BCKDHB: variants seen among roughly 807,000 people sequenced by gnomAD.
BCKDHB encodes the protein 2-oxoisovalerate dehydrogenase subunit beta, mitochondrial.
BCKDHB carries 41 observed loss-of-function variants against 48.5 expected under a neutral mutation model. The observed-to-expected ratio is 0.85, with a 90% CI of 0.66 to 1.10. The LOEUF (loss-of-function observed/expected upper bound fraction) is 1.10. Ranked by LOEUF, BCKDHB falls within the 50% of genes least tolerant of loss-of-function variation. The probability of loss-of-function intolerance (pLI) is 0.00; values close to 1 mark genes in which losing one functional copy is unlikely to be tolerated. For synonymous variants in BCKDHB, 201 were observed against 174.8 expected (o/e 1.15, Z -1.18); for missense variants, 496 against 494.2 (o/e 1.00, Z -0.03).
At chr6:80,132,482 T>C (rs755900668) in intron 3 of BCKDHB, among the ~76,000 whole-genome samples, 71 of 152,192 alleles carry the variant, frequency 4.7e-4, no homozygotes, top group Non-Finnish European at 7.6e-4. Context: ...GGGATTTCCC[T>C]CTCTCACATT....
intron 6 of BCKDHB, among the ~76,000 whole-genome samples, chr6:80,178,694 G>T (rs1034254636): frequency 6.6e-6 from 1 of 152,080 alleles, no homozygotes; most frequent in South Asian, 2.1e-4. Flanking sequence ...TGTCATTATT[G>T]CCATTTTATA....
chr6:80,334,240 A>C (rs1757896050), intron 9 of BCKDHB, among the ~76,000 whole-genome samples: 1 of 152,114 alleles, frequency 6.6e-6, no homozygotes, highest in South Asian at 2.1e-4. Context: ...GGATACAAAC[A>C]ATAATTACAA....
the BCKDHB span, among the ~76,000 whole-genome samples, chr6:80,435,909 T>G: frequency 6.6e-6 from 1 of 152,160 alleles, no homozygotes; most frequent in Non-Finnish European, 1.5e-5. Context: ...GGCGCATGCC[T>G]GTAATCCCAG....
At chr6:80,363,902 A>G in the BCKDHB span, among the ~76,000 whole-genome samples, 8 of 152,202 alleles carry the variant, frequency 5.3e-5, no homozygotes, top group Non-Finnish European at 8.8e-5. Context: ...GTATAACACC[A>G]TGCTTACTTA....
At chr6:80,405,284 A>G in the BCKDHB span, among the ~76,000 whole-genome samples, 1 of 152,208 alleles carries the variant, frequency 6.6e-6, no homozygotes, top group Non-Finnish European at 1.5e-5. Flanking sequence ...TCATTATTTA[A>G]TGACTTTCTT....
At chr6:80,192,104 A>G (rs1233263356) in intron 6 of BCKDHB, among the ~76,000 whole-genome samples, 1 of 152,212 alleles carries the variant, frequency 6.6e-6, no homozygotes, top group Admixed American at 6.5e-5. Context: ...AGTGTGATAG[A>G]TAATAAAAAC....
chr6:80,348,692 G>T (rs1189510497), downstream of BCKDHB, among the ~76,000 whole-genome samples: 1 of 152,208 alleles, frequency 6.6e-6, no homozygotes, highest in Non-Finnish European at 1.5e-5. Flanking sequence ...CTGCTAACCA[G>T]CTAGGCACAC....
At chr6:80,178,334 T>G (rs1310531715) in intron 6 of BCKDHB, among the ~76,000 whole-genome samples, 1 of 152,222 alleles carries the variant, frequency 6.6e-6, no homozygotes, top group Non-Finnish European at 1.5e-5. Flanking sequence ...AGTTTCAGTC[T>G]CCTGTAGATG....
chr6:80,115,414 A>G (rs1769636286), intron 1 of BCKDHB, among the ~76,000 whole-genome samples: 1 of 152,184 alleles, frequency 6.6e-6, no homozygotes, highest in Admixed American at 6.5e-5. Flanking sequence ...AGAGTTTAGA[A>G]TAAGATAGAG....
intron 3 of BCKDHB, among the ~76,000 whole-genome samples, chr6:80,163,423 G>A (rs767486514): frequency 3.3e-5 from 5 of 150,824 alleles, no homozygotes; most frequent in African/African-American, 4.9e-5. Flanking sequence ...ATAGACACAA[G>A]TTAATCACTC....
intron 5 of BCKDHB, among the ~76,000 whole-genome samples, chr6:80,170,141 A>T (rs1415043261): frequency 6.6e-6 from 1 of 152,162 alleles, no homozygotes; most frequent in Non-Finnish European, 1.5e-5. Context: ...GGAACATAAG[A>T]TAAAGACATT....
the BCKDHB span, among the ~76,000 whole-genome samples, chr6:80,420,128 T>C: frequency 2.0e-5 from 3 of 152,242 alleles, no homozygotes; most frequent in East Asian, 3.9e-4. Flanking sequence ...TTGTATTCTT[T>C]GGCAGACAAT....
intron 3 of BCKDHB, among the ~76,000 whole-genome samples, chr6:80,153,303 T>A (rs982498444): frequency 1.3e-5 from 2 of 152,136 alleles, no homozygotes; most frequent in African/African-American, 4.8e-5. Flanking sequence ...AGTTTTGAAT[T>A]GCCTGTCACA....
chr6:80,200,063 C>CAA (rs55737130), intron 6 of BCKDHB, among the ~76,000 whole-genome samples: 1,740 of 32,698 alleles, frequency 0.053, 156 homozygotes, highest in African/African-American at 0.077. Context: ...GACCCTGTCT[C>CAA]AAAAAAAAAA....
rs537052652 is a variant in BCKDHB at position 80,283,826 on chromosome 6, TA to T, written c.1038+10607del. 2.9e-4 allele frequency among the ~76,000 whole-genome samples: 44 copies of T among 152,266 alleles called. 3 individuals carry two copies. In the South Asian group the frequency reaches 8.7e-3, roughly 30 times the overall value. ...GTACAGCCTTATCTTCAAAATTTTCTAACTACAATAAGGTTATTTAAAATTT... is the reference window on the plus strand; with the variant it reads ...GTACAGCCTTATCTTCAAAATTTTCTACTACAATAAGGTTATTTAAAATTT... On this transcript the variant is annotated intron_variant, in intron 9 of 9. Transcript: ENST00000320393.
intron 8 of BCKDHB, among the ~76,000 whole-genome samples, chr6:80,271,179 G>GT (rs1482363406): frequency 6.6e-6 from 1 of 152,072 alleles, no homozygotes; most frequent in Non-Finnish European, 1.5e-5. Flanking sequence ...TGTGGTGGTT[G>GT]TTTTTTACAA....
the BCKDHB span, among the ~76,000 whole-genome samples, chr6:80,417,906 G>A: frequency 6.6e-6 from 1 of 152,098 alleles, no homozygotes; most frequent in African/African-American, 2.4e-5. Flanking sequence ...AATTCTCCTT[G>A]ATAATATTCT....
At chr6:80,409,197 G>A in the BCKDHB span, among the ~76,000 whole-genome samples, 1 of 152,134 alleles carries the variant, frequency 6.6e-6, no homozygotes, top group African/African-American at 2.4e-5. Flanking sequence ...TTTTGAGTGG[G>A]ATTCTTAATC....
At chr6:80,142,355 A>G (rs1475801264) in intron 3 of BCKDHB, among the ~76,000 whole-genome samples, 3 of 152,240 alleles carry the variant, frequency 2.0e-5, no homozygotes, top group East Asian at 3.9e-4. Context: ...CTGTCTATCT[A>G]TTATTGCTCA....
Sources: allele counts gnomAD v4.1 joint callset (sites outside exome capture counted in the v4.1 genomes callset), GRCh38; gene constraint gnomAD v4.1.1; transcripts MANE v1.5; gene names NCBI Gene and HGNC (gene_info 2026-07-23, HGNC 2026-07-21).